Variants in CCNH observed in about 807,000 individuals in gnomAD.
CCNH encodes cyclin-H.
Under a neutral mutation model 41.9 loss-of-function variants are expected in CCNH, and 31 were observed. That is an observed-to-expected ratio of 0.74 (90% CI 0.56 to 1.00). CCNH has a LOEUF of 1.00. Among genes scored for constraint, CCNH ranks in the 50% least tolerant of loss-of-function variants. The probability of loss-of-function intolerance (pLI) is 0.00; values close to 1 mark genes in which losing one functional copy is unlikely to be tolerated. For synonymous variants in CCNH, 138 were observed against 136.1 expected, an observed-to-expected ratio of 1.01 and a Z score of -0.10; for missense variants, 362 against 388.4, an observed-to-expected ratio of 0.93 and a Z score of 0.57.
chr5:87,383,643 A>T, intron 9 of CCNH: 2 of 1,185,044 alleles, frequency 1.7e-6, no homozygotes, highest in South Asian at 1.4e-5. Context: ...GTTTATATAT[A>T]TTGTTTTAAT....
chr5:87,399,351 A>G (rs1443491494), intron 7 of CCNH, 43 bp downstream of exon 7: 25 of 1,369,648 alleles, frequency 1.8e-5, no homozygotes, highest in East Asian at 4.6e-5. Context: ...GCTGGACTGG[A>G]TAACAGTTAT....
At chr5:87,359,443 G>A (rs1181578234) in intron 9 of CCNH, among the ~76,000 whole-genome samples, 1 of 152,148 alleles carries the variant, frequency 6.6e-6, no homozygotes, top group Non-Finnish European at 1.5e-5. Flanking sequence ...ATCTTCTAGT[G>A]TATTGGAATC....
chr5:87,395,184 T>C (rs3093850), intron 7 of CCNH, 80 bp from the exon 8 acceptor site: 21,394 of 1,236,440 alleles, frequency 0.017, 396 homozygotes, highest in African/African-American at 0.075. Context: ...AGCAAGGCTA[T>C]AGGCAATATC....
chr5:87,354,382 T>G (rs911400478), intron 9 of CCNH, among the ~76,000 whole-genome samples: 1 of 152,150 alleles, frequency 6.6e-6, no homozygotes, highest in Non-Finnish European at 1.5e-5. Context: ...CTTAAAATGT[T>G]TCAAACTTTT....
At chr5:87,339,629 AAAT>A (rs1458722848) in intron 9 of CCNH, among the ~76,000 whole-genome samples, 2 of 152,140 alleles carry the variant, frequency 1.3e-5, no homozygotes, top group Non-Finnish European at 2.9e-5. Context: ...GTATACAGAA[AAAT>A]AATAATAACA....
At position 87,411,224 on chromosome 5, in the gene CCNH, C is replaced by T; in HGVS notation, c.240G>A (p.Val80=). The stretch of plus-strand genomic sequence containing the variant: ...ATATTTCATCACCACTGTAACTTAC[C>T]ACAACAGATCTTGGCATTGCTGGCT... ...VFKPAMPRSV[V]GTACMYFKRF... The change falls in exon 2 of 9, where the codon GTG becomes GTA. Residue 80 remains valine (V), a splice_region_variant and synonymous_variant. Transcript: ENST00000256897. 6.2e-7 allele frequency: 1 copy of T among 1,609,258 alleles called. No individual in the cohort carries two copies. Among genetic ancestry groups the T allele is most frequent in the Non-Finnish European group, 8.5e-7 (1 of 1,178,060 alleles).
chr5:87,361,954 T>C (rs1760131446), intron 9 of CCNH, among the ~76,000 whole-genome samples: 1 of 152,168 alleles, frequency 6.6e-6, no homozygotes, highest in African/African-American at 2.4e-5. Flanking sequence ...AGCATGGGAA[T>C]GTTGCAGAGT....
At position 87,353,049 on chromosome 5, in the gene CCNH, A is replaced by G. The variant is rs552984816; in HGVS notation, c.*91-34152T>C. ...TAATGTATTTGTGTTATGTGCTTTG[A>G]AAAAAATTTGCTAATTAGATAATCC... is the stretch of plus-strand genomic sequence containing the variant. On this transcript the variant is annotated intron_variant and NMD_transcript_variant, in intron 9 of 9. Coordinates refer to the CCNH transcript ENST00000645953. 4 of 784,146 alleles carry G rather than the reference A, an allele frequency of 5.1e-6. No homozygotes were observed. The South Asian group carries it at 6.2e-5, about 12-fold the overall frequency. 48.6% of individuals were successfully genotyped at this position (784,146 alleles called of 1,614,324 possible). A position where few individuals can be genotyped will look rare whatever the true frequency, so the allele number is the denominator to read the frequency against.
upstream of CCNH, chr5:87,379,962 A>T: frequency 6.3e-6 from 7 of 1,110,014 alleles, no homozygotes; most frequent in Non-Finnish European, 9.2e-6. Context: ...ATACTCTGAA[A>T]AAGTCATGGT....
intron 9 of CCNH, among the ~76,000 whole-genome samples, chr5:87,327,023 A>T (rs951865786): frequency 1.3e-5 from 2 of 152,198 alleles, no homozygotes. Flanking sequence ...GAAGTTTATT[A>T]ATCAGTCCCA....
the CCNH span, among the ~76,000 whole-genome samples, chr5:87,312,802 A>G: frequency 6.6e-6 from 1 of 152,208 alleles, no homozygotes; most frequent in East Asian, 1.9e-4. Flanking sequence ...AAATCTAGCA[A>G]ACAAATAAAC....
At chr5:87,389,772 G>A (rs1183632018), downstream of CCNH, among the ~76,000 whole-genome samples, 1 of 152,178 alleles carries the variant, frequency 6.6e-6, no homozygotes, top group African/African-American at 2.4e-5. Flanking sequence ...GGAAAACAGT[G>A]TAATAACACT....
chr5:87,370,128 C>T (rs1760822830), intron 9 of CCNH, among the ~76,000 whole-genome samples: 1 of 152,108 alleles, frequency 6.6e-6, no homozygotes, highest in Admixed American at 6.6e-5. Context: ...TTTAAATTGA[C>T]CTTTAAATAC....
intron 9 of CCNH, among the ~76,000 whole-genome samples, chr5:87,344,537 G>A (rs1580315364): frequency 6.6e-6 from 1 of 151,870 alleles, no homozygotes; most frequent in Non-Finnish European, 1.5e-5. Context: ...TTAGAGATAG[G>A]TTCTTGCCAT....
intron 7 of CCNH, among the ~76,000 whole-genome samples, chr5:87,397,039 G>C (rs964532039): frequency 6.6e-6 from 1 of 152,122 alleles, no homozygotes; most frequent in Non-Finnish European, 1.5e-5. Flanking sequence ...TAATTTTGAA[G>C]ATCAAGGAAA....
downstream of CCNH, among the ~76,000 whole-genome samples, chr5:87,316,067 G>A (rs146977685): frequency 4.1e-3 from 617 of 152,242 alleles, 6 homozygotes; most frequent in African/African-American, 0.014. Flanking sequence ...CACATTTTTG[G>A]ATAATTTTCA....
chr5:87,366,961 T>C (rs1157045077), intron 9 of CCNH, among the ~76,000 whole-genome samples: 6 of 152,122 alleles, frequency 3.9e-5, no homozygotes, highest in Non-Finnish European at 8.8e-5. Flanking sequence ...GAGCCCAGGC[T>C]CACAACTGCC....
At chr5:87,406,513 G>A (rs552442336) in intron 4 of CCNH, among the ~76,000 whole-genome samples, 22 of 152,088 alleles carry the variant, frequency 1.4e-4, no homozygotes, top group African/African-American at 4.8e-4. Context: ...TTCAAAATCC[G>A]AAATGCTCCA....
At chr5:87,347,541 T>C (rs1758950331) in intron 9 of CCNH, among the ~76,000 whole-genome samples, 1 of 152,028 alleles carries the variant, frequency 6.6e-6, no homozygotes, top group Non-Finnish European at 1.5e-5. Flanking sequence ...ATAGTTTCTA[T>C]ATTTGGTGAA....
Sources: allele counts gnomAD v4.1 joint callset (sites outside exome capture counted in the v4.1 genomes callset), GRCh38; gene constraint gnomAD v4.1.1; transcripts MANE v1.5; gene names NCBI Gene and HGNC (gene_info 2026-07-23, HGNC 2026-07-21).